The following EXOC6B variants were observed in gnomAD, a reference collection of about 807,000 sequenced individuals.
The protein encoded by EXOC6B is SEC15 homolog B.
In EXOC6B, 54 loss-of-function variants were observed where a neutral mutation model predicts 113.5. The observed-to-expected ratio is 0.48, with a 90% CI of 0.38 to 0.60. The LOEUF (loss-of-function observed/expected upper bound fraction) is 0.60, where lower values mean the gene tolerates loss of function less well. EXOC6B is among the 20% of genes least tolerant of loss of function. The pLI is 0.00. For synonymous variants in EXOC6B, 357 were observed against 339.0 expected, an observed-to-expected ratio of 1.05 and a Z score of -0.58; for missense variants, 797 against 977.5, an observed-to-expected ratio of 0.82 and a Z score of 2.46.
chr2:72,604,283 T>TA (rs563249629), intron 6 of EXOC6B, among the ~76,000 whole-genome samples: 89 of 152,158 alleles, frequency 5.8e-4, no homozygotes, highest in African/African-American at 1.8e-3. Flanking sequence ...CCCACTTAAA[T>TA]AAAAAAACCC....
intron 6 of EXOC6B, among the ~76,000 whole-genome samples, chr2:72,620,133 A>AG (rs1301437008): frequency 1.3e-5 from 2 of 152,196 alleles, no homozygotes; most frequent in African/African-American, 4.8e-5. Context: ...TCTGGGTCAG[A>AG]GGTCAGTGCC....
At chr2:72,736,134 G>A (rs1240101708) in intron 2 of EXOC6B, among the ~76,000 whole-genome samples, 6 of 150,420 alleles carry the variant, frequency 4.0e-5, no homozygotes, top group African/African-American at 7.4e-5. Flanking sequence ...GCAGTGAGCC[G>A]AGATCACACC....
In EXOC6B at chr2:72,769,790, C is replaced by T. The variant is rs112138939; in HGVS notation, c.114-28321G>A. On this transcript the variant is annotated intron_variant, in intron 1 of 21. Coordinates refer to ENST00000272427, the MANE Select transcript of EXOC6B (RefSeq NM_015189.3). ...TCGTGCCACTGCACTCCAGCCTGGG[C>T]GACAGAGCAAGACTCCATCTCAAAA... Among the ~76,000 whole-genome samples the T allele has an allele frequency of 5.3e-5, 8 of 151,798 alleles. No individual in the cohort carries two copies. In the South Asian group the frequency reaches 8.4e-4, roughly 16 times the overall value.
At chr2:72,431,433 G>A (rs563206959) in intron 18 of EXOC6B, among the ~76,000 whole-genome samples, 13 of 151,944 alleles carry the variant, frequency 8.6e-5, no homozygotes, top group Admixed American at 5.2e-4. Flanking sequence ...TGTGTCAGCC[G>A]CCTGGAGAGC....
At chr2:72,472,270 A>G (rs577814454) in intron 17 of EXOC6B, among the ~76,000 whole-genome samples, 1 of 152,208 alleles carries the variant, frequency 6.6e-6, no homozygotes, top group East Asian at 1.9e-4. Context: ...TTTTTGGAAC[A>G]GTTTCAGGAT....
At chr2:72,199,388 CAG>C (rs1248383627) in intron 20 of EXOC6B, among the ~76,000 whole-genome samples, 1 of 152,090 alleles carries the variant, frequency 6.6e-6, no homozygotes, top group African/African-American at 2.4e-5. Context: ...GAAGACTATT[CAG>C]AAATACGTGT....
intron 6 of EXOC6B, among the ~76,000 whole-genome samples, chr2:72,671,793 A>AAGAAAGAAAGAAAG (rs1413805251): frequency 3.7e-5 from 5 of 134,332 alleles, no homozygotes; most frequent in African/African-American, 1.4e-4. Context: ...GAAAGAAAGA[A>AAGAAAGAAAGAAAG]AGAAAGAAAG....
intron 20 of EXOC6B, among the ~76,000 whole-genome samples, chr2:72,285,938 A>G (rs1558522122): frequency 6.6e-6 from 1 of 152,196 alleles, no homozygotes; most frequent in Non-Finnish European, 1.5e-5. Context: ...CAATAATGAG[A>G]TACCACTATA....
At chr2:72,293,903 C>T (rs1223068576) in intron 20 of EXOC6B, among the ~76,000 whole-genome samples, 2 of 151,764 alleles carry the variant, frequency 1.3e-5, no homozygotes, top group African/African-American at 4.8e-5. Context: ...TGGAAAAAGG[C>T]TCTAGGATTA....
At chr2:72,699,863 T>C (rs1173368443) in intron 6 of EXOC6B, among the ~76,000 whole-genome samples, 1 of 152,096 alleles carries the variant, frequency 6.6e-6, no homozygotes, top group African/African-American at 2.4e-5. Flanking sequence ...ACACACAAAA[T>C]CTAAGCTAAA....
At chr2:72,204,293 C>A (rs1679687953) in intron 20 of EXOC6B, among the ~76,000 whole-genome samples, 1 of 152,124 alleles carries the variant, frequency 6.6e-6, no homozygotes, top group Non-Finnish European at 1.5e-5. Context: ...AACACCTCTC[C>A]CTGAGCTCCC....
intron 20 of EXOC6B, among the ~76,000 whole-genome samples, chr2:72,230,541 A>G (rs193158883): frequency 3.7e-4 from 56 of 152,330 alleles, no homozygotes; most frequent in Admixed American, 3.1e-3. Flanking sequence ...TAAATACATA[A>G]CAATGGATCC....
chr2:72,622,185 A>G (rs1053533567), intron 6 of EXOC6B, among the ~76,000 whole-genome samples: 3 of 151,394 alleles, frequency 2.0e-5, no homozygotes, highest in African/African-American at 4.8e-5. Flanking sequence ...TGAAGTTTAT[A>G]TAAGTTTATA....
intron 6 of EXOC6B, among the ~76,000 whole-genome samples, chr2:72,617,125 G>A (rs568959019): frequency 4.6e-5 from 7 of 152,158 alleles, no homozygotes; most frequent in South Asian, 2.1e-4. Context: ...TCCATGTCTC[G>A]CATCCAGGTC....
chr2:72,445,251 G>C (rs1696496589), intron 18 of EXOC6B, among the ~76,000 whole-genome samples: 1 of 152,124 alleles, frequency 6.6e-6, no homozygotes, highest in Non-Finnish European at 1.5e-5. Flanking sequence ...CTCCATTTGA[G>C]ACCACCTCAG....
chr2:72,639,842 G>C (rs1673102841), intron 6 of EXOC6B, among the ~76,000 whole-genome samples: 1 of 151,982 alleles, frequency 6.6e-6, no homozygotes, highest in Non-Finnish European at 1.5e-5. Context: ...GTCATCAATA[G>C]ATTAAAGGAA....
intron 20 of EXOC6B, among the ~76,000 whole-genome samples, chr2:72,262,628 A>T (rs892308590): frequency 2.6e-5 from 4 of 152,192 alleles, no homozygotes; most frequent in African/African-American, 9.7e-5. Context: ...TAGAGCAAAG[A>T]TGCAGAATGA....
chr2:72,522,566 C>T (rs576723377), intron 8 of EXOC6B, among the ~76,000 whole-genome samples: 5 of 152,242 alleles, frequency 3.3e-5, no homozygotes, highest in Admixed American at 2.6e-4. Flanking sequence ...CATTCATGAT[C>T]TCATAATGCT....
intron 1 of EXOC6B, among the ~76,000 whole-genome samples, chr2:72,820,195 A>C (rs1241262925): frequency 1.3e-5 from 2 of 152,182 alleles, no homozygotes; most frequent in Admixed American, 6.5e-5. Flanking sequence ...CTTTATAAAC[A>C]AACAACTTAA....
Sources: gnomAD v4.1 joint callset for allele counts (sites outside exome capture counted in the v4.1 genomes callset) on GRCh38, gnomAD v4.1.1 for gene constraint, MANE v1.5 for transcripts, NCBI Gene and HGNC (gene_info 2026-07-23, HGNC 2026-07-21) for gene names.